NMD3: variants seen among roughly 807,000 people sequenced by gnomAD.
The protein encoded by NMD3 is NMD3 ribosome export adaptor.
A neutral mutation model predicts 73.1 loss-of-function variants in NMD3; 47 were observed. The ratio of observed to expected loss-of-function variants is 0.64; its 90% confidence interval spans 0.51 to 0.82. The LOEUF (loss-of-function observed/expected upper bound fraction) is 0.82. Ranked by LOEUF, NMD3 falls within the 40% of genes least tolerant of loss-of-function variation. NMD3 has a pLI of 0.00. For synonymous variants in NMD3, 210 were observed against 194.5 expected (o/e 1.08, Z -0.66); for missense variants, 554 against 612.5 (o/e 0.90, Z 1.01).
chr3:161,228,768 G>A (rs959270743), intron 4 of NMD3, among the ~76,000 whole-genome samples: 8 of 152,138 alleles, frequency 5.3e-5, no homozygotes, highest in Non-Finnish European at 1.0e-4. Flanking sequence ...CTTAGAAAGC[G>A]TGTATTCTAA....
intron 2 of NMD3, 116 bp downstream of exon 2, chr3:161,222,173 G>T: frequency 1.3e-6 from 1 of 796,686 alleles, no homozygotes; most frequent in Non-Finnish European, 2.1e-6. Context: ...TGTCATAAAT[G>T]GGAAAAAATA....
intron 13 of NMD3, among the ~76,000 whole-genome samples, chr3:161,248,335 A>G (rs962133872): frequency 1.3e-5 from 2 of 151,770 alleles, no homozygotes; most frequent in Admixed American, 1.3e-4. Context: ...ACTAAAATAC[A>G]AAAAATTAGC....
intron 9 of NMD3, among the ~76,000 whole-genome samples, chr3:161,240,416 G>A (rs1736921698): frequency 6.6e-6 from 1 of 151,084 alleles, no homozygotes; most frequent in Non-Finnish European, 1.5e-5. Flanking sequence ...TCCTGCTAAT[G>A]TTTATAATAC....
At chr3:161,243,148 A>G (rs544651914) in intron 11 of NMD3, among the ~76,000 whole-genome samples, 1 of 152,268 alleles carries the variant, frequency 6.6e-6, no homozygotes, top group East Asian at 1.9e-4. Context: ...GATTTTTGAA[A>G]CAACCCACAA....
intron 7 of NMD3, among the ~76,000 whole-genome samples, chr3:161,236,440 T>C (rs1736760808): frequency 6.6e-6 from 1 of 152,152 alleles, no homozygotes; most frequent in African/African-American, 2.4e-5. Flanking sequence ...TGACTAACGA[T>C]GTTGAGCATA....
intron 10 of NMD3, among the ~76,000 whole-genome samples, chr3:161,241,910 G>A (rs1033325775): frequency 1.3e-5 from 2 of 151,904 alleles, no homozygotes; most frequent in Admixed American, 1.3e-4. Flanking sequence ...ATTGTCTATA[G>A]AATAAATTAT....
chr3:161,221,923 G>C, intron 1 of NMD3, 71 bp from the exon 2 acceptor site: 1 of 938,788 alleles, frequency 1.1e-6, no homozygotes, highest in Non-Finnish European at 1.6e-6. Context: ...GTAAAAAGAG[G>C]AGACTAGGTA....
chr3:161,243,470 T>C (rs759369939), intron 11 of NMD3, among the ~76,000 whole-genome samples: 10 of 152,190 alleles, frequency 6.6e-5, no homozygotes, highest in African/African-American at 9.7e-5. Context: ...TTTTATGCCT[T>C]GTTCAAACAG....
chr3:161,236,135 T>C (rs376432470), intron 7 of NMD3, among the ~76,000 whole-genome samples: 3 of 152,142 alleles, frequency 2.0e-5, no homozygotes, highest in Non-Finnish European at 4.4e-5. Context: ...CTGGTACTTA[T>C]AGCTACCTTT....
At chr3:161,247,439 G>A in intron 13 of NMD3, 109 bp downstream of exon 13, 1 of 605,520 alleles carries the variant, frequency 1.7e-6, no homozygotes. Flanking sequence ...TCAATTTAGA[G>A]ATTTCTGAAA....
chr3:161,225,914 T>G (rs561098486), intron 3 of NMD3, among the ~76,000 whole-genome samples: 1 of 152,148 alleles, frequency 6.6e-6, no homozygotes, highest in East Asian at 1.9e-4. Flanking sequence ...CTGTGTACTG[T>G]TTCAGGGAGT....
intron 11 of NMD3, among the ~76,000 whole-genome samples, chr3:161,246,134 A>G (rs144222607): frequency 1.3e-5 from 2 of 152,302 alleles, no homozygotes; most frequent in East Asian, 3.9e-4. Context: ...ATTTATTTTT[A>G]TGAATTGTTT....
rs1202910023 is a variant in NMD3 at position 161,222,380 on chromosome 3, C to T, written c.44+323C>T. The stretch of plus-strand genomic sequence containing the variant: ...TTTTTTTTTGAGACGGAATCTCGCT[C>T]TGTTGCCCAGGCTGGAGTGCAGTAG... On this transcript the variant is annotated intron_variant, in intron 2 of 15. Coordinates refer to ENST00000351193, the MANE Select transcript of NMD3 (RefSeq NM_015938.5). Among the ~76,000 whole-genome samples the T allele has an allele frequency of 2.0e-5, 3 of 151,656 alleles. No homozygotes were observed. The East Asian group carries it at 5.8e-4, about 29-fold the overall frequency.
Position 161,242,682 on chromosome 3 carries a change from T to C in NMD3, c.1017+29T>C, listed in dbSNP as rs569697375. 4.4e-6 allele frequency: 7 copies of C among 1,587,974 alleles called. No individual in the cohort carries two copies. The South Asian group carries it at 5.8e-5, about 13-fold the overall frequency. Reference sequence around the variant, plus strand: ...AGCTACATCCTGCCTGCCAGTGTATTTTTTTTTCCCCTCAGTTATTATTGT... The same window carrying C: ...AGCTACATCCTGCCTGCCAGTGTATCTTTTTTTCCCCTCAGTTATTATTGT... On this transcript the variant is annotated intron_variant, in intron 11 of 15. Coordinates refer to ENST00000351193, the MANE Select transcript of NMD3 (RefSeq NM_015938.5).
Position 161,241,130 on chromosome 3 carries a change from G to C in NMD3, c.838G>C (p.Ala280Pro). ...QICVCIRVTS[A>P]IHLIDPNTLQ... is the part of the protein sequence containing the mutation. The stretch of plus-strand genomic sequence containing the variant: ...TTGTGTGTGTATTCGAGTAACCAGT[G>C]CCATTCACCTCATTGATCCAAACAC... The change falls in exon 10 of 16, where the codon GCC (alanine) becomes CCC (proline). Residue 280 changes from alanine to proline, a missense_variant. Transcript: ENST00000351193. The C allele has an allele frequency of 6.2e-7, 1 of 1,612,162 alleles. No homozygotes were observed. Among genetic ancestry groups the C allele is most frequent in the Non-Finnish European group, 8.5e-7 (1 of 1,178,550 alleles).
chr3:161,249,289 G>A (rs1321935004), intron 13 of NMD3, among the ~76,000 whole-genome samples, 165 bp from the exon 14 acceptor site: 1 of 152,148 alleles, frequency 6.6e-6, no homozygotes, highest in Non-Finnish European at 1.5e-5. Flanking sequence ...TAAATACATG[G>A]AGAAAAATTT....
intron 10 of NMD3, 121 bp from the exon 11 acceptor site, chr3:161,242,387 C>T (rs1279537912): frequency 1.2e-6 from 1 of 814,528 alleles, no homozygotes; most frequent in Admixed American, 2.3e-5. Flanking sequence ...AGTGAGTTGA[C>T]ACTAGTTCTG....
rs1462590683 is a variant in NMD3 at position 161,221,417 on chromosome 3, C to G, written c.-21+8C>G. ...CTGGTCTGGAGGCGCGAAGTAGGTT[C>G]CGGAGTCCGAGACCTGGGCTGTCGG... On this transcript the variant is annotated splice_region_variant and intron_variant, in intron 1 of 15. Coordinates refer to ENST00000351193, the MANE Select transcript of NMD3 (RefSeq NM_015938.5). 6.6e-6 allele frequency: 1 copy of G among 152,414 alleles called. No individual in the cohort carries two copies. The highest frequency in any genetic ancestry group is 1.9e-4 in the East Asian group (1 of 5,204). The allele number at this position is 152,414 out of a possible 1,614,324, so 9.4% of individuals were successfully genotyped here.
chr3:161,248,623 C>G (rs1017157708), intron 13 of NMD3, among the ~76,000 whole-genome samples: 1 of 152,038 alleles, frequency 6.6e-6, no homozygotes, highest in Non-Finnish European at 1.5e-5. Context: ...GGCTGTTATT[C>G]AAAGCTGAAT....
Sources: gnomAD v4.1 joint callset for allele counts (sites outside exome capture counted in the v4.1 genomes callset) on GRCh38, gnomAD v4.1.1 for gene constraint, MANE v1.5 for transcripts, NCBI Gene and HGNC (gene_info 2026-07-23, HGNC 2026-07-21) for gene names.